Variants in CASR observed in about 807,000 individuals in gnomAD.
The protein encoded by CASR is calcium sensing receptor.
A neutral mutation model predicts 69.1 loss-of-function variants in CASR; 23 were observed. The ratio of observed to expected loss-of-function variants is 0.33; its 90% CI spans 0.24 to 0.47. CASR has a LOEUF of 0.47. CASR is among the 20% of genes least tolerant of loss of function. The probability of loss-of-function intolerance (pLI) is 1.00; values close to 1 mark genes in which losing one functional copy is unlikely to be tolerated. For synonymous variants in CASR, 541 were observed against 544.7 expected (o/e 0.99, Z 0.10); for missense variants, 924 against 1,356.1 (o/e 0.68, Z 5.00).
intron 1 of CASR, among the ~76,000 whole-genome samples, chr3:122,227,217 C>T (rs1396617385): frequency 6.6e-6 from 1 of 152,262 alleles, no homozygotes; most frequent in African/African-American, 2.4e-5. Flanking sequence ...TGCCCACACT[C>T]CCCAGCCCTT....
intron 5 of CASR, among the ~76,000 whole-genome samples, chr3:122,277,048 C>CTTTTTT (rs11341423): frequency 3.9e-5 from 5 of 129,510 alleles, no homozygotes; most frequent in Non-Finnish European, 1.6e-5. Flanking sequence ...GACCACTTTT[C>CTTTTTT]TTTTTTTTTT....
chr3:122,278,308 T>C (rs1242867878), intron 5 of CASR, among the ~76,000 whole-genome samples: 6 of 152,182 alleles, frequency 3.9e-5, no homozygotes, highest in African/African-American at 1.4e-4. Flanking sequence ...GCTTCCAATT[T>C]GAAGTTGATG....
chr3:122,202,704 T>C (rs1030435452), intron 1 of CASR, among the ~76,000 whole-genome samples: 1 of 152,238 alleles, frequency 6.6e-6, no homozygotes, highest in Admixed American at 6.5e-5. Flanking sequence ...CTTTCACCTT[T>C]TGTGGTTTTT....
chr3:122,262,462 G>C, intron 4 of CASR, 50 bp downstream of exon 4: 1 of 1,536,460 alleles, frequency 6.5e-7, no homozygotes, highest in Non-Finnish European at 8.9e-7. Flanking sequence ...AGCAGAGTTG[G>C]GCTGCAACTC....
Position 122,255,750 on chromosome 3 carries a change from A to T in CASR, c.186-1331A>T, listed in dbSNP as rs193297590. On this transcript the variant is annotated intron_variant, in intron 2 of 6. Transcript: ENST00000639785. ...ATTTAAAACAAATAGTTAAACAAAT[A>T]CATGAAGGAAACTTAAAGAAAATGG... is the stretch of plus-strand genomic sequence containing the variant. 1.6e-4 allele frequency among the ~76,000 whole-genome samples: 24 copies of T among 152,368 alleles called. No individual in the cohort carries two copies. In the East Asian group the frequency reaches 4.6e-3, roughly 29 times the overall value.
chr3:122,275,771 G>A, intron 4 of CASR, 41 bp from the exon 5 acceptor site: 1 of 1,332,158 alleles, frequency 7.5e-7, no homozygotes, highest in Non-Finnish European at 1.1e-6. Flanking sequence ...AGTTCTATGT[G>A]GCAGCCCTGG....
chr3:122,270,655 A>G (rs1026493704), intron 4 of CASR, among the ~76,000 whole-genome samples: 3 of 152,184 alleles, frequency 2.0e-5, no homozygotes, highest in African/African-American at 7.2e-5. Context: ...ATTTCACTAT[A>G]AATATTTTAT....
intron 1 of CASR, among the ~76,000 whole-genome samples, chr3:122,186,631 C>T (rs1048549284): frequency 1.3e-5 from 2 of 152,132 alleles, no homozygotes; most frequent in Admixed American, 6.5e-5. Context: ...TAAATATTGA[C>T]TATATGTTAT....
intron 1 of CASR, among the ~76,000 whole-genome samples, chr3:122,209,000 C>T (rs1393999809): frequency 1.3e-5 from 2 of 152,148 alleles, no homozygotes; most frequent in Non-Finnish European, 2.9e-5. Context: ...ATACCATTTC[C>T]CCTGAAACCT....
chr3:122,215,396 A>G (rs1413685871), intron 1 of CASR, among the ~76,000 whole-genome samples: 1 of 152,210 alleles, frequency 6.6e-6, no homozygotes, highest in Non-Finnish European at 1.5e-5. Flanking sequence ...ATCTATCTAC[A>G]TCCACAACTC....
intron 1 of CASR, among the ~76,000 whole-genome samples, chr3:122,228,015 AAG>A (rs1215319974): frequency 1.7e-3 from 253 of 152,382 alleles, no homozygotes; most frequent in African/African-American, 5.8e-3. Flanking sequence ...TATGCCTGTG[AAG>A]GACACCAGCA....
rs1450704273 is a variant in CASR at position 122,241,946 on chromosome 3, T to C, written c.-242-12002T>C. ...ACAAAAATCATATAATCGTTTTCAA[T>C]TGACACTGAAAAAGCATTGGATAAA... On this transcript the variant is annotated intron_variant, in intron 1 of 6. Coordinates refer to ENST00000639785, the MANE Select transcript of CASR (RefSeq NM_000388.4). Among the ~76,000 whole-genome samples, 2 of 152,078 alleles carry C rather than the reference T, an allele frequency of 1.3e-5. 1 individual carries two copies. Among genetic ancestry groups the C allele is most frequent in the African/African-American group, 4.8e-5 (2 of 41,426 alleles).
rs879908357 is a variant in CASR at position 122,288,248 on chromosome 3, G to C, written c.*3057G>C. 5.9e-5 allele frequency: 9 copies of C among 152,234 alleles called. No homozygotes were observed. The highest frequency in any genetic ancestry group is 2.2e-4 in the African/African-American group (9 of 41,432). The allele number at this position is 152,234 out of a possible 1,614,324, so 9.4% of individuals were successfully genotyped here. On this transcript the variant is annotated 3_prime_UTR_variant, in exon 7 of 7. Coordinates refer to ENST00000639785, the MANE Select transcript of CASR (RefSeq NM_000388.4). ...CGTAGGGAAGTGGACATGAGCTGAGGAAGGCAGGCTGCTTCTAGAAGCTGG... is the reference window on the plus strand; with the variant it reads ...CGTAGGGAAGTGGACATGAGCTGAGCAAGGCAGGCTGCTTCTAGAAGCTGG...
intron 1 of CASR, among the ~76,000 whole-genome samples, chr3:122,188,513 C>T (rs966084844): frequency 6.6e-6 from 1 of 151,944 alleles, no homozygotes; most frequent in African/African-American, 2.4e-5. Context: ...AAAAAAAATG[C>T]TATCTCTGAT....
intron 1 of CASR, among the ~76,000 whole-genome samples, chr3:122,185,287 G>A (rs1236077403): frequency 6.6e-6 from 1 of 151,932 alleles, no homozygotes; most frequent in Admixed American, 6.6e-5. Context: ...GTGTTCTGTC[G>A]CCGTCTTTTG....
intron 1 of CASR, among the ~76,000 whole-genome samples, chr3:122,223,970 C>G (rs529542143): frequency 1.3e-5 from 2 of 152,276 alleles, no homozygotes; most frequent in African/African-American, 4.8e-5. Context: ...GCAGAAAAGA[C>G]TTTTGATAAA....
intron 1 of CASR, among the ~76,000 whole-genome samples, chr3:122,219,829 G>T (rs528839228): frequency 6.6e-6 from 1 of 152,354 alleles, no homozygotes; most frequent in Non-Finnish European, 1.5e-5. Flanking sequence ...ATTTAGACAA[G>T]AGGGATCCCT....
chr3:122,259,885 T>C (rs1394752725), intron 3 of CASR, among the ~76,000 whole-genome samples: 1 of 152,066 alleles, frequency 6.6e-6, no homozygotes, highest in Non-Finnish European at 1.5e-5. Flanking sequence ...ACATGGAAAA[T>C]TAATTGTTTT....
Position 122,289,479 on chromosome 3 carries a change from G to C in CASR, c.*4288G>C, listed in dbSNP as rs1468466239. 1 of 152,286 alleles carries C rather than the reference G, an allele frequency of 6.6e-6. No homozygotes were observed. The highest frequency in any genetic ancestry group is 1.5e-5 in the Non-Finnish European group (1 of 68,110). 9.4% of individuals were successfully genotyped at this position (152,286 alleles called of 1,614,324 possible). ...AAACAACAAGCACAGGGTAGAACCT[G>C]TCACAGGAATAAAGGTGCATTCCAA... On this transcript the variant is annotated 3_prime_UTR_variant, in exon 7 of 7. Coordinates refer to ENST00000639785, the MANE Select transcript of CASR (RefSeq NM_000388.4).
Sources: gnomAD v4.1 joint callset for allele counts (sites outside exome capture counted in the v4.1 genomes callset) on GRCh38, gnomAD v4.1.1 for gene constraint, MANE v1.5 for transcripts, NCBI Gene and HGNC (gene_info 2026-07-23, HGNC 2026-07-21) for gene names.